Variants in FAM118A observed in about 807,000 individuals in gnomAD.
FAM118A encodes the protein SIR2 antiphage like 2.
In FAM118A, 25 loss-of-function variants were observed where a neutral mutation model predicts 38.2. That is an observed-to-expected ratio of 0.65 (90% CI 0.48 to 0.91). The LOEUF (loss-of-function observed/expected upper bound fraction) is 0.91. Ranked by LOEUF, FAM118A falls within the 40% of genes least tolerant of loss-of-function variation. The probability of loss-of-function intolerance (pLI) is 0.00; values close to 1 mark genes in which losing one functional copy is unlikely to be tolerated. For synonymous variants in FAM118A, 178 were observed against 184.1 expected (o/e 0.97, Z 0.27); for missense variants, 425 against 463.3 (o/e 0.92, Z 0.76).
In FAM118A at chr22:45,341,532, CAG is replaced by C. The variant is rs1405998953; in HGVS notation, c.*1132_*1133del. On this transcript the variant is annotated 3_prime_UTR_variant, in exon 9 of 9. Coordinates refer to ENST00000441876, the MANE Select transcript of FAM118A (RefSeq NM_017911.4). ...CCATGGCCCACATTAAGGGAGTTTG[CAG>C]AGAGTGAGGGAGGCAAAACTTGAAA... 1 of 152,322 alleles carries C rather than the reference CAG, an allele frequency of 6.6e-6. No homozygotes were observed. The highest frequency in any genetic ancestry group is 1.9e-4 in the East Asian group (1 of 5,192). The allele number at this position is 152,322 out of a possible 1,614,324, so 9.4% of individuals were successfully genotyped here. A position where few individuals can be genotyped will look rare whatever the true frequency, so the allele number is the denominator to read the frequency against.
chr22:45,341,858 G>C lies in FAM118A; in HGVS notation c.*1453G>C, dbSNP rs575677047. On this transcript the variant is annotated 3_prime_UTR_variant, in exon 9 of 9. Transcript: ENST00000441876. The stretch of plus-strand genomic sequence containing the variant: ...AGGAAACAGAAGGGTAGGATGCATA[G>C]GGAGGGAGAGAAGCCCTGAAAACTT... The C allele has an allele frequency of 6.6e-6, 1 of 152,332 alleles. No individual in the cohort carries two copies. Among genetic ancestry groups the C allele is most frequent in the African/African-American group, 2.4e-5 (1 of 41,564 alleles). The allele number at this position is 152,332 out of a possible 1,614,324, so 9.4% of individuals were successfully genotyped here. A position where few individuals can be genotyped will look rare whatever the true frequency, so the allele number is the denominator to read the frequency against.
intron 1 of FAM118A, among the ~76,000 whole-genome samples, chr22:45,311,857 T>C (rs2084381741): frequency 6.6e-6 from 1 of 152,104 alleles, no homozygotes; most frequent in Non-Finnish European, 1.5e-5. Context: ...CGCTCTTTCC[T>C]GTCTGAGCCT....
intron 5 of FAM118A, among the ~76,000 whole-genome samples, chr22:45,331,362 C>A (rs1252587510): frequency 3.1e-5 from 1 of 32,070 alleles, no homozygotes; most frequent in African/African-American, 1.4e-4. Flanking sequence ...ACACTTCATT[C>A]TCTGTGAGGT....
In FAM118A at chr22:45,340,776, G is replaced by A. The variant is rs772160655; in HGVS notation, c.*371G>A. On this transcript the variant is annotated 3_prime_UTR_variant, in exon 9 of 9. Coordinates refer to ENST00000441876, the MANE Select transcript of FAM118A (RefSeq NM_017911.4). ...AAGAGTAAAGACTGTCCAAGCAACA[G>A]TAGCTGCCAAAGAGAAAATACGAAA... The A allele has an allele frequency of 7.3e-6, 2 of 273,824 alleles. No homozygotes were observed. The highest frequency in any genetic ancestry group is 6.8e-6 in the Non-Finnish European group (1 of 146,300). The allele number at this position is 273,824 out of a possible 1,614,324, so 17.0% of individuals were successfully genotyped here. A position where few individuals can be genotyped will look rare whatever the true frequency, so the allele number is the denominator to read the frequency against.
Position 45,337,894 on chromosome 22 carries a change from C to G in FAM118A, c.1054+1483C>G, listed in dbSNP as rs1258271325. 9.1e-6 allele frequency: 9 copies of G among 985,278 alleles called. No homozygotes were observed. In the South Asian group the frequency reaches 1.9e-4, roughly 21 times the overall value. The allele number at this position is 985,278 out of a possible 1,614,324, so 61.0% of individuals were successfully genotyped here. A position where few individuals can be genotyped will look rare whatever the true frequency, so the allele number is the denominator to read the frequency against. On this transcript the variant is annotated intron_variant, in intron 8 of 8. Coordinates refer to ENST00000441876, the MANE Select transcript of FAM118A (RefSeq NM_017911.4). The stretch of plus-strand genomic sequence containing the variant: ...GCATGGGATTCTCCGTTGTGATTCC[C>G]CCGGACTCCACTGTCTGAAGACCAG...
chr22:45,311,741 C>T (rs918188172), intron 1 of FAM118A, among the ~76,000 whole-genome samples: 3 of 151,970 alleles, frequency 2.0e-5, no homozygotes, highest in African/African-American at 7.3e-5. Context: ...AAGCAAGACC[C>T]TATGAGAGAT....
chr22:45,325,431 G>C lies in FAM118A; in HGVS notation c.300+2004G>C, dbSNP rs144924532. On this transcript the variant is annotated intron_variant, in intron 3 of 8. Coordinates refer to ENST00000441876, the MANE Select transcript of FAM118A (RefSeq NM_017911.4). ...GGGGCTTGCAAGTGTATTGGGGGAA[G>C]TTGTAGTGATCCATTGTAGACTCTA... Among the ~76,000 whole-genome samples the C allele has an allele frequency of 3.4e-3, 522 of 152,252 alleles. 4 individuals are homozygous for C. The highest frequency in any genetic ancestry group is 0.012 in the African/African-American group (500 of 41,530).
intron 1 of FAM118A, chr22:45,322,138 C>G (rs541264882): frequency 6.9e-7 from 1 of 1,443,952 alleles, no homozygotes. Context: ...TGTGCTGTCC[C>G]GTGTAGAACA....
chr22:45,330,912 C>A (rs117429463), intron 5 of FAM118A, among the ~76,000 whole-genome samples, 181 bp downstream of exon 5: 15 of 152,118 alleles, frequency 9.9e-5, no homozygotes, highest in Non-Finnish European at 2.2e-4. Context: ...TCTGGGGTCC[C>A]GCATGGTGCC....
intron 4 of FAM118A, chr22:45,328,484 T>C (rs2085471595): frequency 1.2e-6 from 1 of 836,602 alleles, no homozygotes; most frequent in Non-Finnish European, 2.1e-6. Flanking sequence ...ACTAATAAAG[T>C]AGCCAGGCAT....
rs1027686206 is a variant in FAM118A, at chr22:45,341,598, C to T, written c.*1193C>T. 2.0e-5 allele frequency: 3 copies of T among 152,348 alleles called. No individual in the cohort carries two copies. The East Asian group carries it at 5.8e-4, about 29-fold the overall frequency. The allele number at this position is 152,348 out of a possible 1,614,324, so 9.4% of individuals were successfully genotyped here. A position where few individuals can be genotyped will look rare whatever the true frequency, so the allele number is the denominator to read the frequency against. The stretch of plus-strand genomic sequence containing the variant: ...CTTTAAACCTTCTCAGGTTCACCCA[C>T]ATGAAACGGCTGTGCTGAGTGTGCT... On this transcript the variant is annotated 3_prime_UTR_variant, in exon 9 of 9. Transcript: ENST00000441876.
chr22:45,314,854 T>A lies in FAM118A; in HGVS notation c.-10+4671T>A, dbSNP rs561943967. 3.3e-5 allele frequency among the ~76,000 whole-genome samples: 5 copies of A among 152,332 alleles called. No individual in the cohort carries two copies. In the South Asian group the frequency reaches 1.0e-3, roughly 32 times the overall value. ...GGATGGCAGAGTTCCCAGTAAAATA[T>A]CAGGTATATTTGTTTGCCATTTCAA... On this transcript the variant is annotated intron_variant, in intron 1 of 8. Coordinates refer to ENST00000441876, the MANE Select transcript of FAM118A (RefSeq NM_017911.4).
rs777103664 is a variant in FAM118A, at chr22:45,322,429, A to G, written c.47+3A>G. On this transcript the variant is annotated splice_donor_region_variant and intron_variant, in intron 2 of 8. Coordinates refer to ENST00000441876, the MANE Select transcript of FAM118A (RefSeq NM_017911.4). ...AATAGAAGTGAACAAAAATCCAGGT[A>G]ATTAAAGGCAACTATACCTTCAAGC... The G allele has an allele frequency of 1.2e-6, 2 of 1,609,282 alleles. No homozygotes were observed. Among genetic ancestry groups the G allele is most frequent in the South Asian group, 2.2e-5 (2 of 89,756 alleles).
intron 2 of FAM118A, 123 bp from the exon 3 acceptor site, chr22:45,323,052 T>TGC: frequency 1.0e-5 from 10 of 977,272 alleles, no homozygotes; most frequent in African/African-American, 1.7e-5. Context: ...TGTGTGTGTG[T>TGC]GTGTGTGTGT....
chr22:45,322,560 G>A (rs895695320), intron 2 of FAM118A, 134 bp downstream of exon 2: 34 of 797,268 alleles, frequency 4.3e-5, no homozygotes, highest in African/African-American at 3.1e-4. Flanking sequence ...AGAGAACCTC[G>A]AGGGCCATTT....
intron 1 of FAM118A, among the ~76,000 whole-genome samples, chr22:45,314,902 A>G (rs2084537771): frequency 6.6e-6 from 1 of 152,264 alleles, no homozygotes; most frequent in Non-Finnish European, 1.5e-5. Flanking sequence ...TTAGGAAGAA[A>G]GGCGCAAGAA....
intron 1 of FAM118A, among the ~76,000 whole-genome samples, chr22:45,319,570 C>T (rs1051798651): frequency 7.2e-5 from 11 of 152,170 alleles, no homozygotes; most frequent in East Asian, 3.8e-4. Context: ...TTTCAAAACT[C>T]GGCCCATTGG....
At chr22:45,328,443 G>C (rs2085467028) in intron 4 of FAM118A, 1 of 949,772 alleles carries the variant, frequency 1.1e-6, no homozygotes, top group Non-Finnish European at 1.8e-6. Flanking sequence ...TCTGTGCCCT[G>C]GGAGCTGCTC....
chr22:45,322,196 G>C (rs2146624546), intron 1 of FAM118A, 175 bp from the exon 2 acceptor site: 1 of 1,522,750 alleles, frequency 6.6e-7, no homozygotes, highest in Non-Finnish European at 8.9e-7. Context: ...AGGAATGGTG[G>C]CTTAGGAAGC....
Sources: gnomAD v4.1 joint callset for allele counts (sites outside exome capture counted in the v4.1 genomes callset) on GRCh38, gnomAD v4.1.1 for gene constraint, MANE v1.5 for transcripts, NCBI Gene and HGNC (gene_info 2026-07-23, HGNC 2026-07-21) for gene names.